The following GALNT13 variants were observed in gnomAD, a reference collection of about 807,000 sequenced individuals.
The protein encoded by GALNT13 is UDP-GalNAc:polypeptide N-acetylgalactosaminyltransferase 13.
Under a neutral mutation model 64.2 loss-of-function variants are expected in GALNT13, and 28 were observed. That is an observed-to-expected ratio of 0.44 (90% CI 0.32 to 0.60). The LOEUF (loss-of-function observed/expected upper bound fraction) is 0.60, where lower values mean the gene tolerates loss of function less well. Among genes scored for constraint, GALNT13 ranks in the 20% least tolerant of loss-of-function variants. The probability of loss-of-function intolerance (pLI) is 0.05; values close to 1 mark genes in which losing one functional copy is unlikely to be tolerated. For missense variants in GALNT13, 577 were observed against 669.8 expected, an observed-to-expected ratio of 0.86 and a Z score of 1.53; for synonymous variants, 214 against 224.6, an observed-to-expected ratio of 0.95 and a Z score of 0.42.
chr2:153,643,532 C>A, the GALNT13 span, among the ~76,000 whole-genome samples: 1 of 151,678 alleles, frequency 6.6e-6, no homozygotes, highest in African/African-American at 2.4e-5. Flanking sequence ...GATTCATATT[C>A]TACCAAATTC....
chr2:153,393,052 A>C, the GALNT13 span, among the ~76,000 whole-genome samples: 3 of 151,970 alleles, frequency 2.0e-5, no homozygotes, highest in Admixed American at 6.6e-5. Context: ...ATAAGAAATA[A>C]ATTTCTGTTT....
At chr2:153,296,273 C>T in the GALNT13 span, among the ~76,000 whole-genome samples, 4 of 152,230 alleles carry the variant, frequency 2.6e-5, no homozygotes, top group African/African-American at 9.6e-5. Flanking sequence ...GTGCCTGGAC[C>T]TCCCATTCCT....
intron 3 of GALNT13, among the ~76,000 whole-genome samples, chr2:154,037,040 C>A (rs67261332): frequency 0.18 from 27,866 of 151,814 alleles, 4,699 homozygotes; most frequent in East Asian, 0.74. Flanking sequence ...ATTTTCTTAA[C>A]CTTTTATGGT....
the GALNT13 span, chr2:153,421,707 G>T: frequency 3.4e-6 from 1 of 290,738 alleles, no homozygotes; most frequent in Non-Finnish European, 7.0e-6. Context: ...GCTCAGGGTG[G>T]AAGAGCTGGT....
chr2:154,091,888 T>C (rs1305052796), intron 3 of GALNT13, among the ~76,000 whole-genome samples: 1 of 151,832 alleles, frequency 6.6e-6, no homozygotes, highest in Non-Finnish European at 1.5e-5. Context: ...AGGTAGACTC[T>C]ATAGTCAAAA....
At chr2:153,884,313 C>T (rs1686985729) in intron 1 of GALNT13, among the ~76,000 whole-genome samples, 1 of 151,662 alleles carries the variant, frequency 6.6e-6, no homozygotes, top group African/African-American at 2.4e-5. Context: ...TGAGTGTGTA[C>T]TTCCCAGATT....
the GALNT13 span, among the ~76,000 whole-genome samples, chr2:153,163,972 C>A: frequency 2.0e-5 from 3 of 149,328 alleles, no homozygotes; most frequent in Admixed American, 1.3e-4. Context: ...GAGCCGAGAT[C>A]GCGCCACTGC....
intron 3 of GALNT13, among the ~76,000 whole-genome samples, chr2:154,084,865 C>T (rs1310668948): frequency 6.6e-6 from 1 of 151,848 alleles, no homozygotes; most frequent in East Asian, 1.9e-4. Flanking sequence ...CAAGTTTGAA[C>T]ATTTGCCTTA....
the GALNT13 span, among the ~76,000 whole-genome samples, chr2:153,783,196 A>G: frequency 1.3e-5 from 2 of 152,374 alleles, no homozygotes; most frequent in East Asian, 1.9e-4. Flanking sequence ...TAGAAAATAC[A>G]TATCATGAAA....
At chr2:153,327,655 A>G in the GALNT13 span, among the ~76,000 whole-genome samples, 2 of 151,828 alleles carry the variant, frequency 1.3e-5, no homozygotes, top group Admixed American at 1.3e-4. Context: ...GATCATTTAT[A>G]TTCTTCTCTA....
chr2:154,162,455 G>GA (rs1684787660), intron 4 of GALNT13, among the ~76,000 whole-genome samples: 1 of 152,116 alleles, frequency 6.6e-6, no homozygotes, highest in Non-Finnish European at 1.5e-5. Flanking sequence ...CAGAAAACAG[G>GA]ATGCTGAAAG....
the GALNT13 span, among the ~76,000 whole-genome samples, chr2:153,658,384 T>G: frequency 6.6e-6 from 1 of 152,104 alleles, no homozygotes; most frequent in Non-Finnish European, 1.5e-5. Flanking sequence ...TAGCACTCAT[T>G]AGTAAGTATA....
At chr2:153,856,102 A>G in the GALNT13 span, among the ~76,000 whole-genome samples, 1 of 152,156 alleles carries the variant, frequency 6.6e-6, no homozygotes, top group Non-Finnish European at 1.5e-5. Context: ...ACAGATGAAT[A>G]TGGAATTTAT....
At chr2:153,538,636 G>T in the GALNT13 span, among the ~76,000 whole-genome samples, 1 of 57,670 alleles carries the variant, frequency 1.7e-5, no homozygotes, top group Non-Finnish European at 3.1e-5. Context: ...GTGAGAATAT[G>T]CAGTGTTTGG....
chr2:153,812,979 A>T, the GALNT13 span, among the ~76,000 whole-genome samples: 1 of 152,196 alleles, frequency 6.6e-6, no homozygotes, highest in African/African-American at 2.4e-5. Flanking sequence ...GAGATATTAA[A>T]ATGTATAAAA....
At chr2:153,921,531 T>C (rs908186183) in intron 2 of GALNT13, among the ~76,000 whole-genome samples, 2 of 152,030 alleles carry the variant, frequency 1.3e-5, no homozygotes, top group Admixed American at 6.6e-5. Flanking sequence ...TATTCTTGGG[T>C]GATGAAATAA....
intron 11 of GALNT13, 107 bp downstream of exon 11, chr2:154,409,189 A>G: frequency 1.3e-6 from 1 of 757,828 alleles, no homozygotes; most frequent in Non-Finnish European, 2.4e-6. Context: ...TGAGCTTAAT[A>G]AATAAATGTA....
intron 8 of GALNT13, among the ~76,000 whole-genome samples, chr2:154,266,860 A>C (rs148441128): frequency 1.7e-4 from 26 of 152,110 alleles, no homozygotes; most frequent in Non-Finnish European, 2.8e-4. Flanking sequence ...TGACAAGTTG[A>C]TTCTATCCAT....
At chr2:154,280,961 CTTAA>C (rs1411443266) in intron 8 of GALNT13, among the ~76,000 whole-genome samples, 2 of 152,144 alleles carry the variant, frequency 1.3e-5, no homozygotes, top group Admixed American at 1.3e-4. Context: ...AATTGATAGG[CTTAA>C]TTATACAACG....
Sources: allele counts gnomAD v4.1 joint callset (sites outside exome capture counted in the v4.1 genomes callset), GRCh38; gene constraint gnomAD v4.1.1; transcripts MANE v1.5; gene names NCBI Gene and HGNC (gene_info 2026-07-23, HGNC 2026-07-21).